The following TMPRSS9 variants were observed in gnomAD, a reference collection of about 807,000 sequenced individuals.
The protein encoded by TMPRSS9 is transmembrane protease serine 9.
TMPRSS9 carries 113 observed loss-of-function variants against 111.4 expected under a neutral mutation model. The observed-to-expected ratio is 1.01, with a 90% CI of 0.87 to 1.19. The LOEUF (loss-of-function observed/expected upper bound fraction) is 1.19, where lower values mean the gene tolerates loss of function less well. TMPRSS9 is among the 50% of genes most tolerant of loss of function. The pLI, the probability that TMPRSS9 is intolerant of heterozygous loss-of-function variation, is 0.00. For missense variants in TMPRSS9, 1,803 were observed against 1,513.1 expected, an observed-to-expected ratio of 1.19 and a Z score of -3.18; for synonymous variants, 805 against 659.1, an observed-to-expected ratio of 1.22 and a Z score of -3.39.
intron 9 of TMPRSS9, 151 bp from the exon 11 acceptor site, chr19:2,413,549 A>T: frequency 1.2e-6 from 1 of 815,756 alleles, no homozygotes; most frequent in Non-Finnish European, 1.9e-6. Context: ...ACAGGTTCTG[A>T]GATGTCAATG....
intron 1 of TMPRSS9, among the ~76,000 whole-genome samples, chr19:2,368,122 G>T (rs1970261741): frequency 6.6e-6 from 1 of 152,182 alleles, no homozygotes; most frequent in Non-Finnish European, 1.5e-5. Flanking sequence ...GGGCCGGAGA[G>T]GCAGAGGGAA....
chr19:2,374,011 G>A (rs999505662), intron 1 of TMPRSS9, among the ~76,000 whole-genome samples: 4 of 152,170 alleles, frequency 2.6e-5, no homozygotes, highest in Admixed American at 6.6e-5. Flanking sequence ...GGTAAAGAAG[G>A]CTCGTGTCTA....
chr19:2,410,478 G>A, intron 9 of TMPRSS9, 84 bp downstream of exon 10: 1 of 1,533,118 alleles, frequency 6.5e-7, no homozygotes, highest in Non-Finnish European at 8.8e-7. Flanking sequence ...ACAGATATCT[G>A]GATGCCCGCT....
rs575800424 is a variant in TMPRSS9 at position 2,372,073 on chromosome 19, T to C, written c.-26+11713T>C. Reference sequence around the variant, plus strand: ...TTTTAGTAGATGGGGGCCAGGCTGGTCTCAAACTCTTGACCTCAAGTGATC... The same window carrying C: ...TTTTAGTAGATGGGGGCCAGGCTGGCCTCAAACTCTTGACCTCAAGTGATC... On this transcript the variant is annotated intron_variant, in intron 1 of 17. Transcript: ENST00000649857. Among the ~76,000 whole-genome samples, 4 of 152,260 alleles carry C rather than the reference T, an allele frequency of 2.6e-5. No individual in the cohort carries two copies. In the East Asian group the frequency reaches 5.8e-4, roughly 22 times the overall value.
At chr19:2,376,861 C>T (rs1240618858) in intron 1 of TMPRSS9, among the ~76,000 whole-genome samples, 2 of 152,108 alleles carry the variant, frequency 1.3e-5, no homozygotes, top group East Asian at 3.9e-4. Flanking sequence ...AAGATTCTGC[C>T]GCCTGATTTC....
exon 16 of TMPRSS9, chr19:2,425,104 C>G (rs1298331846): frequency 6.3e-7 from 1 of 1,583,770 alleles, no homozygotes. Context: ...AGCACCCGTT[C>G]TACAATCTCT....
chr19:2,410,415 A>G, intron 9 of TMPRSS9, 21 bp downstream of exon 10: 1 of 1,612,318 alleles, frequency 6.2e-7, no homozygotes, highest in Non-Finnish European at 8.5e-7. Flanking sequence ...GATGCCCCAG[A>G]CCCCAGAAAA....
chr19:2,369,575 C>T (rs1970273339), intron 1 of TMPRSS9, among the ~76,000 whole-genome samples: 1 of 150,340 alleles, frequency 6.7e-6, no homozygotes, highest in Non-Finnish European at 1.5e-5. Context: ...CAGGTGTGTG[C>T]TACCACCCTG....
chr19:2,404,254 T>C (rs1158399057), intron 6 of TMPRSS9, among the ~76,000 whole-genome samples: 2 of 152,134 alleles, frequency 1.3e-5, no homozygotes, highest in African/African-American at 2.4e-5. Context: ...GCAGTTTAAG[T>C]ATTGAAAAGG....
intron 1 of TMPRSS9, among the ~76,000 whole-genome samples, chr19:2,360,894 G>GTGTGTGGACGTAGCCGGGAT (rs1970189946): frequency 6.7e-6 from 1 of 149,658 alleles, no homozygotes; most frequent in Non-Finnish European, 1.5e-5. Flanking sequence ...TGCCGCCAGG[G>GTGTGTGGACGTAGCCGGGAT]TGTGTGGACG....
chr19:2,385,486 GC>G (rs1307104282), upstream of TMPRSS9, among the ~76,000 whole-genome samples: 2 of 152,120 alleles, frequency 1.3e-5, no homozygotes, highest in East Asian at 3.9e-4. Context: ...TGGGACTCAT[GC>G]TTGTAAATCC....
Position 2,425,394 on chromosome 19 carries a change from C to A in TMPRSS9, c.3021C>A (p.Arg1007=), listed in dbSNP as rs1401412226. ...GGCAGCTGCAGAAGGCGGCCGTGCG[C>A]CTCCTCAGCGAGCAGACCTGCCGCC... Residue 1007 remains arginine (R), a synonymous_variant, in exon 17 of 18, where the codon CGC becomes CGA. Transcript: ENST00000648592. The A allele has an allele frequency of 1.9e-6, 3 of 1,559,636 alleles. No homozygotes were observed. In the East Asian group the frequency reaches 7.3e-5, roughly 38 times the overall value.
chr19:2,370,819 C>T (rs577437707), intron 1 of TMPRSS9, among the ~76,000 whole-genome samples: 1 of 151,672 alleles, frequency 6.6e-6, no homozygotes, highest in South Asian at 2.1e-4. Flanking sequence ...AAAATTAACC[C>T]AGCGTGGTGG....
intron 9 of TMPRSS9, 52 bp downstream of exon 10, chr19:2,410,446 A>G (rs772049706): frequency 1.4e-5 from 22 of 1,600,836 alleles, no homozygotes; most frequent in East Asian, 2.2e-5. Flanking sequence ...AGACACGAGC[A>G]TGTTCAAATG....
At chr19:2,370,465 C>T (rs1420335883) in intron 1 of TMPRSS9, among the ~76,000 whole-genome samples, 3 of 150,956 alleles carry the variant, frequency 2.0e-5, no homozygotes, top group Admixed American at 2.0e-4. Flanking sequence ...CCAGATGTCC[C>T]AGGTTGCAGG....
At chr19:2,416,757 T>A (rs1568188088) in exon 12 of TMPRSS9, 2 of 1,612,802 alleles carry the variant, frequency 1.2e-6, no homozygotes, top group Non-Finnish European at 1.7e-6. Flanking sequence ...AGAAGTTCCC[T>A]GTGGGCCGGA....
intron 17 of TMPRSS9, 89 bp from the exon 19 acceptor site, chr19:2,425,838 C>T: frequency 6.8e-7 from 1 of 1,468,062 alleles, no homozygotes; most frequent in Non-Finnish European, 9.0e-7. Flanking sequence ...GGGGAAGTCA[C>T]TAGGGTCACT....
chr19:2,369,676 C>A (rs67845727), intron 1 of TMPRSS9, among the ~76,000 whole-genome samples: 1 of 148,438 alleles, frequency 6.7e-6, no homozygotes, highest in Non-Finnish European at 1.5e-5. Context: ...TGGGCTCAAG[C>A]GATCCTCCTG....
In TMPRSS9 at chr19:2,375,008, C is replaced by T. The variant is rs569933270; in HGVS notation, c.-26+14648C>T. 3.9e-5 allele frequency among the ~76,000 whole-genome samples: 6 copies of T among 152,278 alleles called. No homozygotes were observed. In the East Asian group the frequency reaches 7.7e-4, roughly 20 times the overall value. On this transcript the variant is annotated intron_variant, in intron 1 of 17. Transcript: ENST00000649857. ...GAGGAGCTGGTGCTGGGCGGGGCTG[C>T]GCCTGACTCACTCTGGTGTCTGCTG... is the stretch of plus-strand genomic sequence containing the variant.
Sources: gnomAD v4.1 joint callset for allele counts (sites outside exome capture counted in the v4.1 genomes callset) on GRCh38, gnomAD v4.1.1 for gene constraint, MANE v1.5 for transcripts, NCBI Gene and HGNC (gene_info 2026-07-23, HGNC 2026-07-21) for gene names.